ATXN1: variants seen among roughly 807,000 people sequenced by gnomAD.
The protein encoded by ATXN1 is ataxin 1.
Under a neutral mutation model 56.4 loss-of-function variants are expected in ATXN1, and 8 were observed. The ratio of observed to expected loss-of-function variants is 0.14; its 90% CI spans 0.08 to 0.26. The LOEUF is 0.26. Ranked by LOEUF, ATXN1 falls within the 10% of genes least tolerant of loss-of-function variation. ATXN1 has a pLI of 1.00. For synonymous variants in ATXN1, 514 were observed against 494.6 expected (o/e 1.04, Z -0.52); for missense variants, 987 against 1,106.5 (o/e 0.89, Z 1.53).
intron 6 of ATXN1, among the ~76,000 whole-genome samples, chr6:16,444,640 A>G (rs755784526): frequency 2.6e-5 from 4 of 152,236 alleles, no homozygotes; most frequent in Non-Finnish European, 4.4e-5. Flanking sequence ...CTTTTCCTAC[A>G]AAACCTGAAG....
intron 5 of ATXN1, among the ~76,000 whole-genome samples, chr6:16,512,369 T>C (rs1761100350): frequency 6.6e-6 from 1 of 152,162 alleles, no homozygotes; most frequent in Admixed American, 6.5e-5. Context: ...CAGGAACATC[T>C]CAAATCACCC....
chr6:16,602,842 T>C (rs976990607), intron 3 of ATXN1, among the ~76,000 whole-genome samples: 3 of 152,178 alleles, frequency 2.0e-5, no homozygotes, highest in Admixed American at 6.5e-5. Context: ...GCCATAAAGA[T>C]AGAAATGCTT....
At chr6:16,625,534 A>C (rs1446421239) in intron 3 of ATXN1, among the ~76,000 whole-genome samples, 1 of 152,160 alleles carries the variant, frequency 6.6e-6, no homozygotes, top group African/African-American at 2.4e-5. Flanking sequence ...TATCATGCAC[A>C]GAGAGCTGAT....
At chr6:16,448,678 T>C (rs1759683233) in intron 6 of ATXN1, among the ~76,000 whole-genome samples, 1 of 152,226 alleles carries the variant, frequency 6.6e-6, no homozygotes, top group African/African-American at 2.4e-5. Context: ...AAGGACACTA[T>C]ATACAGTTTT....
intron 5 of ATXN1, among the ~76,000 whole-genome samples, chr6:16,504,030 C>G (rs1478015091): frequency 6.6e-6 from 1 of 152,064 alleles, no homozygotes; most frequent in Non-Finnish European, 1.5e-5. Context: ...GTGTGGGGTA[C>G]CCAGGTTCTT....
chr6:16,416,124 A>G (rs964483817), intron 6 of ATXN1, among the ~76,000 whole-genome samples: 23 of 150,308 alleles, frequency 1.5e-4, no homozygotes, highest in Admixed American at 1.2e-3. Context: ...GGCTTTCTTC[A>G]TCATCCATTT....
intron 3 of ATXN1, among the ~76,000 whole-genome samples, chr6:16,634,677 T>C (rs550212801): frequency 1.3e-5 from 2 of 152,322 alleles, no homozygotes; most frequent in African/African-American, 4.8e-5. Flanking sequence ...TTGAAGTATG[T>C]GGTCTCTCAA....
intron 3 of ATXN1, among the ~76,000 whole-genome samples, chr6:16,642,215 T>C (rs995726412): frequency 2.6e-5 from 4 of 152,130 alleles, no homozygotes; most frequent in African/African-American, 9.7e-5. Context: ...GCTAACATTG[T>C]GAAACCCATC....
intron 3 of ATXN1, among the ~76,000 whole-genome samples, chr6:16,618,676 C>T (rs1398602480): frequency 6.9e-6 from 1 of 143,944 alleles, no homozygotes; most frequent in Non-Finnish European, 1.5e-5. Flanking sequence ...GAGCCAAGAT[C>T]GTGCCACTGC....
At chr6:16,742,267 CA>C (rs534783317) in intron 2 of ATXN1, among the ~76,000 whole-genome samples, 38 of 152,264 alleles carry the variant, frequency 2.5e-4, no homozygotes, top group South Asian at 6.2e-4. Flanking sequence ...CATTCTTTCC[CA>C]CTTCCTTAGA....
intron 3 of ATXN1, among the ~76,000 whole-genome samples, chr6:16,605,265 T>A (rs564144866): frequency 6.6e-6 from 1 of 152,336 alleles, no homozygotes; most frequent in South Asian, 2.1e-4. Flanking sequence ...TATTTTGTGA[T>A]GCGTGTAATT....
intron 6 of ATXN1, among the ~76,000 whole-genome samples, chr6:16,335,823 G>C (rs1390973644): frequency 1.3e-5 from 2 of 152,198 alleles, no homozygotes; most frequent in Non-Finnish European, 2.9e-5. Context: ...GAGGCAGAGA[G>C]ACTGGAATGA....
At chr6:16,348,730 T>C (rs1014890250) in intron 6 of ATXN1, among the ~76,000 whole-genome samples, 3 of 152,140 alleles carry the variant, frequency 2.0e-5, no homozygotes, top group African/African-American at 7.2e-5. Context: ...ATACGCCTTA[T>C]TTCATGAAGT....
chr6:16,744,553 G>C (rs1050928107), intron 2 of ATXN1, among the ~76,000 whole-genome samples: 1 of 152,148 alleles, frequency 6.6e-6, no homozygotes, highest in Non-Finnish European at 1.5e-5. Context: ...GGAGGGTTGA[G>C]AACTGGGCAG....
At chr6:16,472,350 G>C (rs1257261322) in intron 6 of ATXN1, among the ~76,000 whole-genome samples, 1 of 152,170 alleles carries the variant, frequency 6.6e-6, no homozygotes, top group Non-Finnish European at 1.5e-5. Flanking sequence ...TATCTCTCCA[G>C]TCACCTATAA....
At chr6:16,416,821 G>T (rs1758919121) in intron 6 of ATXN1, among the ~76,000 whole-genome samples, 1 of 152,158 alleles carries the variant, frequency 6.6e-6, no homozygotes, top group Admixed American at 6.5e-5. Context: ...CCTCTAGTAG[G>T]CCTTTAGTTT....
At chr6:16,644,405 C>T (rs1763764447) in intron 3 of ATXN1, among the ~76,000 whole-genome samples, 1 of 151,768 alleles carries the variant, frequency 6.6e-6, no homozygotes, top group Non-Finnish European at 1.5e-5. Context: ...GTCCCAGCTA[C>T]TCGGGAGGCC....
intron 5 of ATXN1, among the ~76,000 whole-genome samples, chr6:16,522,051 C>T (rs1761303727): frequency 6.6e-6 from 1 of 152,144 alleles, no homozygotes; most frequent in Non-Finnish European, 1.5e-5. Context: ...ATTCCAAAAC[C>T]AGACTTGTGC....
chr6:16,448,568 C>T (rs560250817), intron 6 of ATXN1, among the ~76,000 whole-genome samples: 12 of 152,314 alleles, frequency 7.9e-5, no homozygotes, highest in African/African-American at 2.4e-4. Context: ...ACTGACTTCT[C>T]TTCATCCTTG....
Sources: gnomAD v4.1 joint callset for allele counts (sites outside exome capture counted in the v4.1 genomes callset) on GRCh38, gnomAD v4.1.1 for gene constraint, MANE v1.5 for transcripts, NCBI Gene and HGNC (gene_info 2026-07-23, HGNC 2026-07-21) for gene names.